Variants in GAREM1 observed in about 807,000 individuals in gnomAD.
GAREM1 encodes the protein GRB2-associated and regulator of MAPK protein 1.
GAREM1 carries 26 observed loss-of-function variants against 71.3 expected under a neutral mutation model. The ratio of observed to expected loss-of-function variants is 0.36; its 90% CI spans 0.27 to 0.51. The LOEUF is 0.51. Among genes scored for constraint, GAREM1 ranks in the 20% least tolerant of loss-of-function variants. The pLI, the probability that GAREM1 is intolerant of heterozygous loss-of-function variation, is 0.95. For missense variants in GAREM1, 1,026 were observed against 1,103.1 expected, an observed-to-expected ratio of 0.93 and a Z score of 0.99; for synonymous variants, 440 against 433.2, an observed-to-expected ratio of 1.02 and a Z score of -0.20.
chr18:32,458,310 T>C (rs934144831), intron 1 of GAREM1, among the ~76,000 whole-genome samples: 7 of 152,016 alleles, frequency 4.6e-5, no homozygotes, highest in Non-Finnish European at 7.4e-5. Flanking sequence ...GGAACACAAA[T>C]ATAATTATAT....
intron 1 of GAREM1, among the ~76,000 whole-genome samples, chr18:32,419,757 T>A (rs1032180330): frequency 6.6e-6 from 1 of 152,194 alleles, no homozygotes; most frequent in African/African-American, 2.4e-5. Context: ...GGGAGCCATT[T>A]CAGAATTCTG....
chr18:32,364,669 C>A (rs967841796), intron 2 of GAREM1, among the ~76,000 whole-genome samples: 2 of 152,014 alleles, frequency 1.3e-5, no homozygotes, highest in African/African-American at 4.8e-5. Flanking sequence ...TTCTAGTGAA[C>A]AAATTAAGGT....
chr18:32,343,866 G>A (rs2047670645), intron 2 of GAREM1, among the ~76,000 whole-genome samples: 1 of 152,022 alleles, frequency 6.6e-6, no homozygotes. Flanking sequence ...CAGCTGTCCA[G>A]GATATCCACA....
At chr18:32,307,935 TGTGTGTTTATCACTAA>T (rs1433177650) in intron 3 of GAREM1, among the ~76,000 whole-genome samples, 1 of 152,236 alleles carries the variant, frequency 6.6e-6, no homozygotes, top group African/African-American at 2.4e-5. Flanking sequence ...TTTATTTACT[TGTGTGTTTATCACTAA>T]GCACAAAACC....
rs560703422 is a variant in GAREM1 at position 32,398,948 on chromosome 18, C to T, written c.122-5913G>A. On this transcript the variant is annotated intron_variant, in intron 1 of 5. Coordinates refer to ENST00000269209, the MANE Select transcript of GAREM1 (RefSeq NM_001242409.2). Reference sequence around the variant, plus strand: ...TACTGACAAACTGAATCCAGCAGCACATCAAAAAGAAGGCTTATCCACCAT... The same window carrying T: ...TACTGACAAACTGAATCCAGCAGCATATCAAAAAGAAGGCTTATCCACCAT... 4.6e-5 allele frequency among the ~76,000 whole-genome samples: 7 copies of T among 152,258 alleles called. 1 individual carries two copies. Among genetic ancestry groups the T allele is most frequent in the Non-Finnish European group, 8.8e-5 (6 of 68,026 alleles).
chr18:32,433,305 C>CA (rs1306546361), intron 1 of GAREM1, among the ~76,000 whole-genome samples: 2 of 151,738 alleles, frequency 1.3e-5, no homozygotes, highest in African/African-American at 2.4e-5. Context: ...AGGACATCTA[C>CA]AAAAAACCCC....
At chr18:32,435,288 C>T (rs1160697441) in intron 1 of GAREM1, among the ~76,000 whole-genome samples, 3 of 151,518 alleles carry the variant, frequency 2.0e-5, no homozygotes. Context: ...AAAACTCATA[C>T]CATCCAAATG....
intron 3 of GAREM1, among the ~76,000 whole-genome samples, chr18:32,294,397 T>C (rs1476869060): frequency 6.6e-6 from 1 of 152,236 alleles, no homozygotes; most frequent in Non-Finnish European, 1.5e-5. Context: ...TCCTCATTAT[T>C]ATTCTTGGAA....
chr18:32,278,750 TTCAG>T (rs34154584), intron 4 of GAREM1, among the ~76,000 whole-genome samples: 36,216 of 151,998 alleles, frequency 0.24, 4,834 homozygotes, highest in African/African-American at 0.37. Context: ...AGCGGATATT[TTCAG>T]TCAAACAGAA....
intron 2 of GAREM1, among the ~76,000 whole-genome samples, chr18:32,357,667 TA>T (rs1414312247): frequency 6.6e-6 from 1 of 152,244 alleles, no homozygotes; most frequent in Non-Finnish European, 1.5e-5. Flanking sequence ...TCATCCTTTA[TA>T]AAACTGTTTT....
At chr18:32,355,884 AGTT>A (rs2047800362) in intron 2 of GAREM1, among the ~76,000 whole-genome samples, 1 of 152,220 alleles carries the variant, frequency 6.6e-6, no homozygotes, top group Non-Finnish European at 1.5e-5. Flanking sequence ...TTCCATATAC[AGTT>A]ATTAGAGAAG....
At chr18:32,398,637 T>G (rs549106143) in intron 1 of GAREM1, among the ~76,000 whole-genome samples, 3 of 152,146 alleles carry the variant, frequency 2.0e-5, no homozygotes, top group Admixed American at 6.5e-5. Context: ...AATCCCTGAA[T>G]AGACCAATAA....
chr18:32,271,090 A>G (rs1567942347), intron 4 of GAREM1, among the ~76,000 whole-genome samples: 1 of 152,062 alleles, frequency 6.6e-6, no homozygotes, highest in African/African-American at 2.4e-5. Flanking sequence ...TATTTTTAGT[A>G]GAGATGAAGT....
intron 2 of GAREM1, among the ~76,000 whole-genome samples, chr18:32,385,074 C>G (rs779876210): frequency 1.1e-4 from 17 of 152,004 alleles, no homozygotes; most frequent in Non-Finnish European, 1.8e-4. Context: ...TTTTCCTTTT[C>G]TGAATCATTT....
intron 1 of GAREM1, among the ~76,000 whole-genome samples, chr18:32,436,825 T>C (rs2048684236): frequency 6.6e-6 from 1 of 152,190 alleles, no homozygotes; most frequent in Admixed American, 6.5e-5. Context: ...GACAGAGATT[T>C]TGAAGACAGA....
At chr18:32,438,192 C>A (rs886483211) in intron 1 of GAREM1, among the ~76,000 whole-genome samples, 7 of 152,240 alleles carry the variant, frequency 4.6e-5, no homozygotes, top group Non-Finnish European at 8.8e-5. Flanking sequence ...AGAAGGCCTA[C>A]GATATACAAC....
intron 2 of GAREM1, among the ~76,000 whole-genome samples, chr18:32,364,284 C>A (rs1401026033): frequency 1.3e-5 from 2 of 151,490 alleles, no homozygotes; most frequent in Non-Finnish European, 2.9e-5. Flanking sequence ...ATCTGCTTGC[C>A]TCAGCCTCCC....
At chr18:32,462,209 G>A (rs1474811260) in intron 1 of GAREM1, among the ~76,000 whole-genome samples, 1 of 152,078 alleles carries the variant, frequency 6.6e-6, no homozygotes, top group Non-Finnish European at 1.5e-5. Flanking sequence ...TTCCATAATG[G>A]CTTTATTAAT....
intron 1 of GAREM1, among the ~76,000 whole-genome samples, chr18:32,431,627 C>CAAAAAAAAAAAAA (rs2048625741): frequency 6.6e-6 from 1 of 151,982 alleles, no homozygotes; most frequent in Non-Finnish European, 1.5e-5. Flanking sequence ...AACTCCGTCT[C>CAAAAAAAAAAAAA]AAAAATAAAC....
Sources: gnomAD v4.1 joint callset for allele counts (sites outside exome capture counted in the v4.1 genomes callset) on GRCh38, gnomAD v4.1.1 for gene constraint, MANE v1.5 for transcripts, NCBI Gene and HGNC (gene_info 2026-07-23, HGNC 2026-07-21) for gene names.